Variants in VPS39 observed in about 807,000 individuals in gnomAD.
VPS39 encodes vam6/Vps39-like protein.
Under a neutral mutation model 121.0 loss-of-function variants are expected in VPS39, and 70 were observed. The ratio of observed to expected loss-of-function variants is 0.58; its 90% CI spans 0.48 to 0.71. The LOEUF is 0.71. Among genes scored for constraint, VPS39 ranks in the 30% least tolerant of loss-of-function variants. The probability of loss-of-function intolerance (pLI) is 0.00; values close to 1 mark genes in which losing one functional copy is unlikely to be tolerated. For missense variants in VPS39, 818 were observed against 1,051.5 expected, an observed-to-expected ratio of 0.78 and a Z score of 3.07; for synonymous variants, 378 against 398.1, an observed-to-expected ratio of 0.95 and a Z score of 0.60.
intron 1 of VPS39, among the ~76,000 whole-genome samples, chr15:42,202,841 G>A (rs989436800): frequency 4.6e-5 from 7 of 152,022 alleles, no homozygotes; most frequent in Admixed American, 6.6e-5. Context: ...GCATTCTCTC[G>A]CATTTGCTGT....
At chr15:42,193,851 T>TA (rs35451716) in intron 2 of VPS39, among the ~76,000 whole-genome samples, 3,467 of 120,808 alleles carry the variant, frequency 0.029, 50 homozygotes, top group Non-Finnish European at 0.047. Flanking sequence ...CCTTTGTTCA[T>TA]AAAAAAAAAA....
At chr15:42,198,568 T>C (rs564245746) in intron 2 of VPS39, among the ~76,000 whole-genome samples, 1 of 152,294 alleles carries the variant, frequency 6.6e-6, no homozygotes, top group African/African-American at 2.4e-5. Context: ...CTCGAACTCC[T>C]GGCCTCAATC....
At chr15:42,192,068 CCG>C in intron 2 of VPS39, 8 of 1,536,402 alleles carry the variant, frequency 5.2e-6, no homozygotes, top group Non-Finnish European at 7.0e-6. Context: ...ACACTTACTG[CCG>C]CTTTCAGGTG....
chr15:42,175,194 A>G (rs1172431218), intron 10 of VPS39, among the ~76,000 whole-genome samples: 2 of 152,034 alleles, frequency 1.3e-5, no homozygotes, highest in Non-Finnish European at 2.9e-5. Flanking sequence ...CGGGCGGATC[A>G]TGAGGTCAGG....
At chr15:42,189,574 C>T (rs1029740774) in intron 4 of VPS39, among the ~76,000 whole-genome samples, 1 of 151,606 alleles carries the variant, frequency 6.6e-6, no homozygotes, top group Non-Finnish European at 1.5e-5. Context: ...ACTAAAAATA[C>T]AAAAATCAGC....
At chr15:42,167,595 G>A in intron 12 of VPS39, 58 bp from the exon 13 acceptor site, 1 of 1,591,262 alleles carries the variant, frequency 6.3e-7, no homozygotes, top group Non-Finnish European at 8.6e-7. Context: ...TGTCATCTGA[G>A]CTACTGGGTA....
chr15:42,166,484 C>G (rs985795098), intron 15 of VPS39, 79 bp downstream of exon 15: 3 of 1,522,920 alleles, frequency 2.0e-6, no homozygotes, highest in African/African-American at 1.4e-5. Context: ...GGGGAGCAAC[C>G]AACCAGAAAC....
At chr15:42,179,393 C>T (rs1292924107) in intron 8 of VPS39, among the ~76,000 whole-genome samples, 2 of 151,054 alleles carry the variant, frequency 1.3e-5, no homozygotes, top group Non-Finnish European at 2.9e-5. Context: ...CATGGTGAAA[C>T]CCTGTCTCTA....
At chr15:42,181,465 A>G (rs1379323126) in intron 8 of VPS39, among the ~76,000 whole-genome samples, 1 of 152,190 alleles carries the variant, frequency 6.6e-6, no homozygotes, top group African/African-American at 2.4e-5. Flanking sequence ...AAAGTTCTGA[A>G]GATCTATTGT....
At chr15:42,162,618 C>T (rs2140833545) in intron 21 of VPS39, 137 bp from the exon 22 acceptor site, 5 of 1,052,616 alleles carry the variant, frequency 4.8e-6, no homozygotes, top group Non-Finnish European at 6.4e-6. Flanking sequence ...GTCATTTTCA[C>T]CTTGTAAATT....
intron 21 of VPS39, 38 bp downstream of exon 21, chr15:42,163,312 T>C: frequency 6.2e-7 from 1 of 1,613,252 alleles, no homozygotes; most frequent in Non-Finnish European, 8.5e-7. Flanking sequence ...CGGGGAGAGG[T>C]ATGCACACGT....
intron 4 of VPS39, among the ~76,000 whole-genome samples, chr15:42,190,342 A>T (rs2049801000): frequency 6.6e-6 from 1 of 152,140 alleles, no homozygotes; most frequent in Non-Finnish European, 1.5e-5. Flanking sequence ...AGATTAAGTT[A>T]CCTCAGATGT....
At chr15:42,198,467 C>G (rs1448280956) in intron 2 of VPS39, among the ~76,000 whole-genome samples, 1 of 152,160 alleles carries the variant, frequency 6.6e-6, no homozygotes, top group Non-Finnish European at 1.5e-5. Context: ...CCTCTCACCT[C>G]AGCCTCCAGA....
At chr15:42,194,572 G>C (rs909203655) in intron 2 of VPS39, among the ~76,000 whole-genome samples, 1 of 152,070 alleles carries the variant, frequency 6.6e-6, no homozygotes, top group South Asian at 2.1e-4. Context: ...ATCTTTACAA[G>C]AAGTGAAAAA....
rs762164934 is a variant in VPS39 at position 42,163,699 on chromosome 15, C to T, written c.2056G>A (p.Gly686Arg). 2 of 1,613,574 alleles carry T rather than the reference C, an allele frequency of 1.2e-6. No individual in the cohort carries two copies. Among genetic ancestry groups the T allele is most frequent in the Non-Finnish European group, 1.7e-6 (2 of 1,179,802 alleles). ...GLLEERALLL[G>R]RMGKHEQALF... The stretch of plus-strand genomic sequence containing the variant: ...GCTTGTTCATGTTTCCCCATGCGCC[C>T]CAACAGGAGAGCTCGTTCTTCTAAG... The change falls in exon 20 of 25, where the codon GGG (glycine) becomes AGG (arginine). Residue 686 changes from glycine (G) to arginine (R), a missense_variant. Physicochemically the swap from Gly to Arg is moderately radical, Grantham distance 125. Transcript: ENST00000318006.
intron 2 of VPS39, among the ~76,000 whole-genome samples, chr15:42,195,494 T>C (rs568745324): frequency 1.3e-5 from 2 of 152,282 alleles, no homozygotes; most frequent in Non-Finnish European, 2.9e-5. Flanking sequence ...AAAATCAATG[T>C]GCAAAAACCA....
chr15:42,189,849 C>A (rs12916191), intron 4 of VPS39, among the ~76,000 whole-genome samples: 45,085 of 114,036 alleles, frequency 0.4, 11,629 homozygotes, highest in Middle Eastern at 0.61. Context: ...GTTGCCCAGG[C>A]TAGAGTGCAT....
chr15:42,165,656 G>C (rs1181671249), intron 17 of VPS39, 62 bp downstream of exon 17: 2 of 1,352,168 alleles, frequency 1.5e-6, no homozygotes, highest in East Asian at 4.6e-5. Flanking sequence ...CCCGATAACA[G>C]AACCACGCAG....
At chr15:42,165,858 C>T (rs2049231652) in intron 16 of VPS39, 42 bp from the exon 17 acceptor site, 2 of 1,575,306 alleles carry the variant, frequency 1.3e-6, no homozygotes, top group Non-Finnish European at 8.7e-7. Context: ...AACCATCTGA[C>T]TGCAGTTCCA....
Sources: gnomAD v4.1 joint callset for allele counts (sites outside exome capture counted in the v4.1 genomes callset) on GRCh38, gnomAD v4.1.1 for gene constraint, MANE v1.5 for transcripts, NCBI Gene and HGNC (gene_info 2026-07-23, HGNC 2026-07-21) for gene names.